Variants in PRR22 observed in about 807,000 individuals in gnomAD.
The protein encoded by PRR22 is proline-rich protein 22.
A neutral mutation model predicts 7.2 loss-of-function variants in PRR22; 5 were observed. The observed-to-expected ratio is 0.69, with a 90% CI of 0.36 to 1.45. PRR22 has a LOEUF of 1.45. Among genes scored for constraint, PRR22 ranks in the 40% most tolerant of loss-of-function variants. The pLI, the probability that PRR22 is intolerant of heterozygous loss-of-function variation, is 0.03. For synonymous variants in PRR22, 319 were observed against 269.3 expected, an observed-to-expected ratio of 1.18 and a Z score of -1.81; for missense variants, 619 against 568.8, an observed-to-expected ratio of 1.09 and a Z score of -0.90.
chr19:5,784,195 C>T (rs1476946457), intron 2 of PRR22, 142 bp from the exon 3 acceptor site: 2 of 1,066,778 alleles, frequency 1.9e-6, no homozygotes, highest in Non-Finnish European at 1.5e-6. Context: ...TGCTTTGGGG[C>T]CCTGGCTGGG....
Position 5,784,692 on chromosome 19 carries a change from AG to A in PRR22, c.-33del. The A allele has an allele frequency of 6.5e-7, 1 of 1,527,184 alleles. No individual in the cohort carries two copies. Among genetic ancestry groups the A allele is most frequent in the Non-Finnish European group, 8.7e-7 (1 of 1,143,126 alleles). The allele number at this position is 1,527,184 out of a possible 1,614,324, so 94.6% of individuals were successfully genotyped here. A position where few individuals can be genotyped will look rare whatever the true frequency, so the allele number is the denominator to read the frequency against. On this transcript the variant is annotated 5_prime_UTR_variant, in exon 1 of 3. Transcript: ENST00000419421. ...GCGGGGGGCCCGGTCCAGACAGGCC[AG>A]GAGGGCGGCAGTGGGAGTGCAAGTG...
chr19:5,784,298 G>A (rs2056819372), intron 2 of PRR22, 79 bp downstream of exon 2: 1 of 1,479,706 alleles, frequency 6.8e-7, no homozygotes, highest in Non-Finnish European at 9.3e-7. Flanking sequence ...CTCCCACTTA[G>A]GGACGGGGCA....
In PRR22 at chr19:5,783,206, G is replaced by A; in HGVS notation, c.1041C>T (p.Asp347=). Residue 347 remains aspartate, a synonymous_variant, in exon 3 of 3, where the codon GAC becomes GAT. Transcript: ENST00000419421. ...AGAAGTAGTCAACGTTGGACACGGTGTCCAGGATCTCAGGCACGCTGTAGT... is the reference window on the plus strand; with the variant it reads ...AGAAGTAGTCAACGTTGGACACGGTATCCAGGATCTCAGGCACGCTGTAGT... ...SFDYSVPEIL[D]TVSNVDYFFN... 1.2e-6 allele frequency: 2 copies of A among 1,612,792 alleles called. No individual in the cohort carries two copies. The highest frequency in any genetic ancestry group is 1.3e-5 in the African/African-American group (1 of 75,058).
chr19:5,784,279 G>T, intron 2 of PRR22, 98 bp downstream of exon 2: 3 of 1,310,790 alleles, frequency 2.3e-6, no homozygotes, highest in Non-Finnish European at 3.3e-6. Context: ...CAGAGGCCAT[G>T]CCTTCAGGCT....
At position 5,784,545 on chromosome 19, in the gene PRR22, G is replaced by A. The variant is rs1041195652; in HGVS notation, c.116C>T (p.Pro39Leu). 1.3e-6 allele frequency: 2 copies of A among 1,549,432 alleles called. No individual in the cohort carries two copies. The highest frequency in any genetic ancestry group is 1.7e-6 in the Non-Finnish European group (2 of 1,146,914). The change falls in exon 1 of 3, where the codon CCT (proline) becomes CTT (leucine). Residue 39 changes from proline (P) to leucine (L), a missense_variant. Pro to Leu is a moderately conservative substitution (Grantham distance 98). Coordinates refer to ENST00000419421, the MANE Select transcript of PRR22 (RefSeq NM_001134316.2). ...CCCGATCGTACCCATAGCGGGAGGA[G>A]GCTCGGCACAGGTGGGAGCAGGCTG... ...GNQPAPTCAEPPPAMGSLNLY... is the reference protein window; with the variant it reads ...GNQPAPTCAELPPAMGSLNLY...
rs756911671 is a variant in PRR22, at chr19:5,784,366, G to A, written c.193+11C>T. 9 of 1,610,442 alleles carry A rather than the reference G, an allele frequency of 5.6e-6. No homozygotes were observed. The highest frequency in any genetic ancestry group is 6.8e-6 in the Non-Finnish European group (8 of 1,178,644). On this transcript the variant is annotated intron_variant, in intron 2 of 2. Coordinates refer to ENST00000419421, the MANE Select transcript of PRR22 (RefSeq NM_001134316.2). ...TCCCAGCCTCGTCAAGGGCTCAGGG[G>A]AGGCCGGTACCTGCTGGTGGGGCTG...
chr19:5,783,423 G>T lies in PRR22; in HGVS notation c.824C>A (p.Ala275Asp), dbSNP rs1568383168. ...GAGKAKAPKT[A>D]RALALPDKVL... ...CTTGTCAGGCAGTGCCAAAGCTCTG[G>T]CCGTCTTGGGGGCCTTGGCCTTGCC... The change falls in exon 3 of 3, where the codon GCC becomes GAC. Residue 275 changes from alanine (A) to aspartate (D), a missense_variant. By Grantham distance (126) the Ala-to-Asp change is moderately radical. Transcript: ENST00000419421. 6.2e-7 allele frequency: 1 copy of T among 1,612,312 alleles called. No individual in the cohort carries two copies. Among genetic ancestry groups the T allele is most frequent in the African/African-American group, 1.3e-5 (1 of 75,040 alleles).
Position 5,783,264 on chromosome 19 carries a change from G to A in PRR22, c.983C>T (p.Ser328Leu), listed in dbSNP as rs751915954. ...CAGCAGCTCCTCGGGCAGGCACAGC[G>A]AGCGGATGTCATCGGCTGAGTTCCC... is the stretch of plus-strand genomic sequence containing the variant. ...SGGNSADDIR[S>L]LCLPEELLSF... Residue 328 changes from serine (S) to leucine (L), a missense_variant, in exon 3 of 3, where the codon TCG becomes TTG. Transcript: ENST00000419421. 6.8e-6 allele frequency: 11 copies of A among 1,612,734 alleles called. No individual in the cohort carries two copies. The highest frequency in any genetic ancestry group is 3.3e-5 in the Admixed American group (2 of 60,002).
chr19:5,784,194 G>T, intron 2 of PRR22, 141 bp from the exon 3 acceptor site: 1 of 1,063,708 alleles, frequency 9.4e-7, no homozygotes, highest in Non-Finnish European at 1.5e-6. Flanking sequence ...TTGCTTTGGG[G>T]CCCTGGCTGG....
At position 5,783,158 on chromosome 19, in the gene PRR22, C is replaced by G. The variant is rs780324440; in HGVS notation, c.1089G>C (p.Glu363Asp). 3 of 1,612,558 alleles carry G rather than the reference C, an allele frequency of 1.9e-6. No individual in the cohort carries two copies. Among genetic ancestry groups the G allele is most frequent in the Middle Eastern group, 1.7e-4 (1 of 6,056 alleles). ...GGGGCCCCGGGTGGGGCGGCTGCTC[C>G]TCGTCGAGCGCCTTGAAGTTGAAGA... ...DYFFNFKALD[E>D]EQPPHPGPPA... Residue 363 changes from glutamate to aspartate, a missense_variant, in exon 3 of 3, where the codon GAG becomes GAC. Glu to Asp is a conservative substitution (Grantham distance 45). Coordinates refer to ENST00000419421, the MANE Select transcript of PRR22 (RefSeq NM_001134316.2).
At chr19:5,784,236 C>A (rs898156963) in intron 2 of PRR22, 141 bp downstream of exon 2, 11 of 1,087,594 alleles carry the variant, frequency 1.0e-5, no homozygotes, top group Admixed American at 8.6e-5. Context: ...GTCTTTGGGG[C>A]TCATCTGGGG....
chr19:5,783,666 G>A lies in PRR22; in HGVS notation c.581C>T (p.Pro194Leu). 1.3e-6 allele frequency: 2 copies of A among 1,548,776 alleles called. No homozygotes were observed. Among genetic ancestry groups the A allele is most frequent in the Non-Finnish European group, 1.7e-6 (2 of 1,151,364 alleles). Residue 194 changes from proline to leucine, a missense_variant, in exon 3 of 3, where the codon CCC (proline) becomes CTC (leucine). Pro to Leu is a moderately conservative substitution (Grantham distance 98). Transcript: ENST00000419421. The part of the protein sequence containing the change: ...PPPPPKENKP[P>L]PVLITLPAEP... ...TGCAGGCAGCGTGATGAGTACAGGG[G>A]GCGGCTTGTTCTCCTTGGGGGGTGG...
Position 5,783,624 on chromosome 19 carries a change from G to A in PRR22, c.623C>T (p.Pro208Leu), listed in dbSNP as rs755400297. Reference sequence around the variant, plus strand: ...ACCCTGGAGGTGGCTGTAGGCGTCTGGGGGCAGTGTGGGCTCTGCAGGCAG... The same window carrying A: ...ACCCTGGAGGTGGCTGTAGGCGTCTAGGGGCAGTGTGGGCTCTGCAGGCAG... ...ITLPAEPTLP[P>L]DAYSHLQGHL... The change falls in exon 3 of 3, where the codon CCA becomes CTA. Residue 208 changes from proline (P) to leucine (L), a missense_variant. Pro to Leu is a moderately conservative substitution (Grantham distance 98). Transcript: ENST00000419421. 4.4e-6 allele frequency: 7 copies of A among 1,606,266 alleles called. No homozygotes were observed. Among genetic ancestry groups the A allele is most frequent in the Admixed American group, 1.7e-5 (1 of 59,056 alleles).
At position 5,783,182 on chromosome 19, in the gene PRR22, G is replaced by T. The variant is rs760314756; in HGVS notation, c.1065C>A (p.Phe355Leu). The T allele has an allele frequency of 1.7e-5, 27 of 1,612,612 alleles. No individual in the cohort carries two copies. The African/African-American group carries it at 2.8e-4, about 17-fold the overall frequency. The change falls in exon 3 of 3, where the codon TTC becomes TTA. Residue 355 changes from phenylalanine (F) to leucine (L), a missense_variant. By Grantham distance (22) the Phe-to-Leu change is conservative (BLOSUM62 0). Coordinates refer to ENST00000419421, the MANE Select transcript of PRR22 (RefSeq NM_001134316.2). ...CCTCGTCGAGCGCCTTGAAGTTGAA[G>T]AAGTAGTCAACGTTGGACACGGTGT... ...ILDTVSNVDY[F>L]FNFKALDEEQ... is the part of the protein sequence containing the mutation.
At position 5,783,417 on chromosome 19, in the gene PRR22, G is replaced by T; in HGVS notation, c.830C>A (p.Ala277Asp). 1 of 1,612,456 alleles carries T rather than the reference G, an allele frequency of 6.2e-7. No homozygotes were observed. The highest frequency in any genetic ancestry group is 1.1e-5 in the South Asian group (1 of 91,074). ...CAGAACCTTGTCAGGCAGTGCCAAAGCTCTGGCCGTCTTGGGGGCCTTGGC... is the reference window on the plus strand; with the variant it reads ...CAGAACCTTGTCAGGCAGTGCCAAATCTCTGGCCGTCTTGGGGGCCTTGGC... ...GKAKAPKTARALALPDKVLLE... is the reference protein window; with the variant it reads ...GKAKAPKTARDLALPDKVLLE... Residue 277 changes from alanine (A) to aspartate (D), a missense_variant, in exon 3 of 3, where the codon GCT becomes GAT. Ala to Asp is a moderately radical substitution (Grantham distance 126). Coordinates refer to ENST00000419421, the MANE Select transcript of PRR22 (RefSeq NM_001134316.2).
At position 5,783,689 on chromosome 19, in the gene PRR22, T is replaced by TGGG; in HGVS notation, c.555_557dup (p.Pro188dup). The stretch of plus-strand genomic sequence containing the variant: ...GGGGCGGCTTGTTCTCCTTGGGGGG[T>TGGG]GGGGGTGGCAGCGGGGCCGGGCCTT... On this transcript the variant is annotated inframe_insertion, in exon 3 of 3. Coordinates refer to ENST00000419421, the MANE Select transcript of PRR22 (RefSeq NM_001134316.2). The TGGG allele has an allele frequency of 1.8e-6, 1 of 567,422 alleles. No homozygotes were observed. The highest frequency in any genetic ancestry group is 2.6e-6 in the Non-Finnish European group (1 of 388,794). The allele number at this position is 567,422 out of a possible 1,614,324, so 35.1% of individuals were successfully genotyped here. A position where few individuals can be genotyped will look rare whatever the true frequency, so the allele number is the denominator to read the frequency against.
Position 5,783,919 on chromosome 19 carries a change from C to T in PRR22, c.328G>A (p.Ala110Thr), listed in dbSNP as rs369088362. The change falls in exon 3 of 3, where the codon GCC becomes ACC. Residue 110 changes from alanine (A) to threonine (T), a missense_variant. Coordinates refer to ENST00000419421, the MANE Select transcript of PRR22 (RefSeq NM_001134316.2). ...GGCTCCAGGAGGTAGCTGCCTGGGGCGGAGGGGACCCCCGCTGGCCCCCCG... is the reference window on the plus strand; with the variant it reads ...GGCTCCAGGAGGTAGCTGCCTGGGGTGGAGGGGACCCCCGCTGGCCCCCCG... ...SSGGPAGVPS[A>T]PGSYLLEPQP... The T allele has an allele frequency of 6.8e-5, 107 of 1,576,044 alleles. No homozygotes were observed. The highest frequency in any genetic ancestry group is 1.9e-4 in the African/African-American group (14 of 73,982).
Position 5,783,319 on chromosome 19 carries a change from G to A in PRR22, c.928C>T (p.Pro310Ser), listed in dbSNP as rs1267674992. The A allele has an allele frequency of 1.2e-6, 2 of 1,612,772 alleles. No individual in the cohort carries two copies. Among genetic ancestry groups the A allele is most frequent in the Non-Finnish European group, 8.5e-7 (1 of 1,179,954 alleles). Reference protein sequence around the residue: ...SEPEGTLCEVPGPALPDSSGG... With the variant: ...SEPEGTLCEVSGPALPDSSGG... ...CTGCTGTCAGGCAGGGCCGGCCCAG[G>A]GACCTCGCACAGGGTACCCTCAGGC... The change falls in exon 3 of 3, where the codon CCT becomes TCT. Residue 310 changes from proline to serine, a missense_variant. Physicochemically the swap from Pro to Ser is moderately conservative, Grantham distance 74. Transcript: ENST00000419421.
Position 5,784,699 on chromosome 19 carries a change from C to T in PRR22, c.-39G>A, listed in dbSNP as rs1049373664. 2.0e-6 allele frequency: 3 copies of T among 1,521,830 alleles called. No individual in the cohort carries two copies. Among genetic ancestry groups the T allele is most frequent in the Non-Finnish European group, 2.6e-6 (3 of 1,140,718 alleles). 94.3% of individuals were successfully genotyped at this position (1,521,830 alleles called of 1,614,324 possible). On this transcript the variant is annotated 5_prime_UTR_variant, in exon 1 of 3. Transcript: ENST00000419421. ...GCCCGGTCCAGACAGGCCAGGAGGGCGGCAGTGGGAGTGCAAGTGGCCCAA... is the reference window on the plus strand; with the variant it reads ...GCCCGGTCCAGACAGGCCAGGAGGGTGGCAGTGGGAGTGCAAGTGGCCCAA...
Sources: gnomAD v4.1 joint callset for allele counts on GRCh38, gnomAD v4.1.1 for gene constraint, MANE v1.5 for transcripts, NCBI Gene and HGNC (gene_info 2026-07-23, HGNC 2026-07-21) for gene names.